Variants in PITPNA observed in about 807,000 individuals in gnomAD.
The protein encoded by PITPNA is phosphatidylinositol transfer protein alpha isoform.
A neutral mutation model predicts 50.3 loss-of-function variants in PITPNA; 13 were observed. The observed-to-expected ratio is 0.26, with a 90% CI of 0.17 to 0.41. The LOEUF is 0.41. Ranked by LOEUF, PITPNA falls within the 10% of genes least tolerant of loss-of-function variation. The probability of loss-of-function intolerance (pLI) is 1.00; values close to 1 mark genes in which losing one functional copy is unlikely to be tolerated. For missense variants in PITPNA, 207 were observed against 333.4 expected (o/e 0.62, Z 2.95); for synonymous variants, 120 against 119.6 (o/e 1.00, Z -0.02).
At chr17:1,547,921 G>C (rs1231321746) in intron 4 of PITPNA, among the ~76,000 whole-genome samples, 1 of 152,016 alleles carries the variant, frequency 6.6e-6, no homozygotes, top group East Asian at 1.9e-4. Flanking sequence ...TTGAACCCGG[G>C]AGCCAGAGGT....
At position 1,519,852 on chromosome 17, in the gene PITPNA, G is replaced by A. The variant is rs1027662326; in HGVS notation, c.*709C>T. The A allele has an allele frequency of 1.3e-5, 2 of 152,262 alleles. No homozygotes were observed. Among genetic ancestry groups the A allele is most frequent in the Non-Finnish European group, 2.9e-5 (2 of 68,106 alleles). The allele number at this position is 152,262 out of a possible 1,614,324, so 9.4% of individuals were successfully genotyped here. A position where few individuals can be genotyped will look rare whatever the true frequency, so the allele number is the denominator to read the frequency against. On this transcript the variant is annotated 3_prime_UTR_variant, in exon 12 of 12. Transcript: ENST00000313486. Reference sequence around the variant, plus strand: ...GAGAGATTCAGAGCGGGCAACAGGAGGGCCAAGAAGCCACAGGTGTTTCTA... The same window carrying A: ...GAGAGATTCAGAGCGGGCAACAGGAAGGCCAAGAAGCCACAGGTGTTTCTA...
At chr17:1,526,637 G>A (rs1315957477) in intron 10 of PITPNA, among the ~76,000 whole-genome samples, 2 of 152,192 alleles carry the variant, frequency 1.3e-5, no homozygotes, top group Non-Finnish European at 2.9e-5. Context: ...AGTTACTAAT[G>A]CAAAGCCAGG....
chr17:1,536,280 G>GTTTTTTTTTTTTTTTTTTT, intron 7 of PITPNA, among the ~76,000 whole-genome samples: 1 of 143,598 alleles, frequency 7.0e-6, no homozygotes, highest in Non-Finnish European at 1.5e-5. Flanking sequence ...AAGCTGAGAA[G>GTTTTTTTTTTTTTTTTTTT]TTTTTTTTTT....
chr17:1,560,984 C>T (rs560437324), intron 1 of PITPNA, among the ~76,000 whole-genome samples: 29 of 152,242 alleles, frequency 1.9e-4, no homozygotes, highest in African/African-American at 7.0e-4. Flanking sequence ...GGTCAAAGTG[C>T]GATCGCTGAC....
intron 10 of PITPNA, among the ~76,000 whole-genome samples, chr17:1,533,858 C>A (rs1171140178): frequency 6.6e-6 from 1 of 152,176 alleles, no homozygotes; most frequent in East Asian, 1.9e-4. Flanking sequence ...TGGCATTCGG[C>A]ACATACTGCC....
Position 1,546,820 on chromosome 17 carries a change from T to C in PITPNA, c.289+1476A>G, listed in dbSNP as rs748276049. 1.4e-4 allele frequency among the ~76,000 whole-genome samples: 21 copies of C among 152,314 alleles called. No homozygotes were observed. The East Asian group carries it at 1.9e-3, about 14-fold the overall frequency. On this transcript the variant is annotated intron_variant, in intron 4 of 11. Coordinates refer to ENST00000313486, the MANE Select transcript of PITPNA (RefSeq NM_006224.4). ...AAATTTAAGAATGTCTGGACTAGAA[T>C]AGAAAGTTCTCTGTGGAGGTTCAAA...
At chr17:1,545,643 G>C (rs1432490420) in intron 4 of PITPNA, among the ~76,000 whole-genome samples, 4 of 152,182 alleles carry the variant, frequency 2.6e-5, no homozygotes, top group Non-Finnish European at 5.9e-5. Flanking sequence ...GCATGGTGCT[G>C]ATACAGAAAT....
chr17:1,521,589 G>GCTT lies in PITPNA; in HGVS notation c.*11_*12insAAG. 6.2e-7 allele frequency: 1 copy of GCTT among 1,611,438 alleles called. No individual in the cohort carries two copies. Among genetic ancestry groups the GCTT allele is most frequent in the South Asian group, 1.1e-5 (1 of 91,020 alleles). Reference sequence around the variant, plus strand: ...AAATTTGGTACGTACAGTGCAGAGGGGAAAGGCGGCTTTAGTCATCTGCTG... The same window carrying GCTT: ...AAATTTGGTACGTACAGTGCAGAGGGCTTGAAAGGCGGCTTTAGTCATCTGCTG... On this transcript the variant is annotated 3_prime_UTR_variant, in exon 11 of 12. Coordinates refer to ENST00000313486, the MANE Select transcript of PITPNA (RefSeq NM_006224.4).
At chr17:1,539,838 G>A (rs1027244699) in intron 6 of PITPNA, among the ~76,000 whole-genome samples, 1 of 152,238 alleles carries the variant, frequency 6.6e-6, no homozygotes, top group East Asian at 1.9e-4. Flanking sequence ...CCGGGTTCAA[G>A]CGATTATCCT....
intron 6 of PITPNA, among the ~76,000 whole-genome samples, chr17:1,541,071 T>C (rs1235831902): frequency 3.9e-5 from 6 of 152,062 alleles, no homozygotes; most frequent in Non-Finnish European, 8.8e-5. Flanking sequence ...GCTAATTCTT[T>C]TTTTATTTTT....
intron 10 of PITPNA, among the ~76,000 whole-genome samples, chr17:1,523,600 C>T (rs572448083): frequency 1.3e-4 from 20 of 150,724 alleles, no homozygotes; most frequent in Non-Finnish European, 2.2e-4. Context: ...CTCTGCCTCC[C>T]GGGTTCAAGC....
At chr17:1,524,201 C>G (rs972456302) in intron 10 of PITPNA, among the ~76,000 whole-genome samples, 2 of 151,626 alleles carry the variant, frequency 1.3e-5, no homozygotes, top group African/African-American at 2.4e-5. Context: ...CCCACCAACA[C>G]GCCCGGCTAA....
At chr17:1,543,787 C>T (rs987917129) in intron 4 of PITPNA, among the ~76,000 whole-genome samples, 18 of 152,270 alleles carry the variant, frequency 1.2e-4, no homozygotes, top group African/African-American at 4.1e-4. Context: ...ACAGAAATAA[C>T]CCAAAAGACT....
chr17:1,532,974 C>T (rs891862036), intron 10 of PITPNA, among the ~76,000 whole-genome samples: 1 of 152,188 alleles, frequency 6.6e-6, no homozygotes, highest in Non-Finnish European at 1.5e-5. Flanking sequence ...ACTTCTGGAC[C>T]CAATTTTCGC....
intron 6 of PITPNA, among the ~76,000 whole-genome samples, chr17:1,540,865 G>A (rs952764389): frequency 1.3e-5 from 2 of 152,282 alleles, no homozygotes; most frequent in Admixed American, 1.3e-4. Flanking sequence ...GATTACAGGC[G>A]TGAGCCACCG....
At chr17:1,551,144 T>G (rs943797821) in intron 3 of PITPNA, among the ~76,000 whole-genome samples, 1 of 151,384 alleles carries the variant, frequency 6.6e-6, no homozygotes, top group Non-Finnish European at 1.5e-5. Context: ...CCTGATGCGA[T>G]AAGAAGGGCG....
chr17:1,536,545 T>G (rs2075618515), intron 7 of PITPNA, among the ~76,000 whole-genome samples: 1 of 151,884 alleles, frequency 6.6e-6, no homozygotes, highest in Non-Finnish European at 1.5e-5. Flanking sequence ...CACCTTGGCC[T>G]CCCACAGTGC....
chr17:1,522,173 G>A (rs999377453), intron 10 of PITPNA, among the ~76,000 whole-genome samples: 3 of 150,340 alleles, frequency 2.0e-5, no homozygotes, highest in Admixed American at 6.6e-5. Flanking sequence ...CCGGGTTCAC[G>A]CCATTCTCCT....
intron 10 of PITPNA, among the ~76,000 whole-genome samples, chr17:1,525,805 A>G (rs943424199): frequency 5.0e-4 from 76 of 152,348 alleles, no homozygotes; most frequent in African/African-American, 1.8e-3. Flanking sequence ...GGCGTGAGCC[A>G]TCACGCATGG....
Sources: allele counts gnomAD v4.1 joint callset (sites outside exome capture counted in the v4.1 genomes callset), GRCh38; gene constraint gnomAD v4.1.1; transcripts MANE v1.5; gene names NCBI Gene and HGNC (gene_info 2026-07-23, HGNC 2026-07-21).